The following ARMC3 variants were observed in gnomAD, a reference collection of about 807,000 sequenced individuals.
ARMC3 encodes the protein armadillo repeat-containing protein 3.
In ARMC3, 74 loss-of-function variants were observed where a neutral mutation model predicts 90.3. That is an observed-to-expected ratio of 0.82 (90% CI 0.68 to 0.99). The LOEUF (loss-of-function observed/expected upper bound fraction) is 0.99, where lower values mean the gene tolerates loss of function less well. Ranked by LOEUF, ARMC3 falls within the 50% of genes least tolerant of loss-of-function variation. The pLI, the probability that ARMC3 is intolerant of heterozygous loss-of-function variation, is 0.00. For missense variants in ARMC3, 958 were observed against 1,042.8 expected, an observed-to-expected ratio of 0.92 and a Z score of 1.12; for synonymous variants, 334 against 361.8, an observed-to-expected ratio of 0.92 and a Z score of 0.87.
At chr10:23,037,091 G>A (rs1458031789) in intron 18 of ARMC3, among the ~76,000 whole-genome samples, 179 bp from the exon 19 acceptor site, 6 of 152,232 alleles carry the variant, frequency 3.9e-5, no homozygotes, top group Admixed American at 3.9e-4. Context: ...AATCTTGAGT[G>A]AATTTATCAC....
chr10:22,935,335 A>C (rs1834069455), intron 2 of ARMC3, among the ~76,000 whole-genome samples: 1 of 152,176 alleles, frequency 6.6e-6, no homozygotes, highest in Non-Finnish European at 1.5e-5. Context: ...ATTCTTTGTC[A>C]TAGACTGACA....
chr10:23,020,466 A>C (rs1838466265), intron 16 of ARMC3, among the ~76,000 whole-genome samples: 3 of 152,152 alleles, frequency 2.0e-5, no homozygotes, highest in Non-Finnish European at 4.4e-5. Context: ...AATACCTGGG[A>C]GTGGGATTTC....
intron 8 of ARMC3, among the ~76,000 whole-genome samples, chr10:22,971,589 C>T (rs1278587651): frequency 6.6e-6 from 1 of 151,728 alleles, no homozygotes; most frequent in African/African-American, 2.4e-5. Context: ...TACAGGCACG[C>T]ACCACCACAC....
chr10:23,005,913 A>G (rs942914937), intron 13 of ARMC3, among the ~76,000 whole-genome samples: 2 of 151,666 alleles, frequency 1.3e-5, no homozygotes, highest in African/African-American at 2.4e-5. Context: ...GAGGGAGAAG[A>G]GAGCTGGGCA....
At chr10:22,980,647 T>C (rs147552601) in intron 8 of ARMC3, among the ~76,000 whole-genome samples, 133 of 152,236 alleles carry the variant, frequency 8.7e-4, no homozygotes, top group African/African-American at 3.0e-3. Flanking sequence ...AAAACAATGT[T>C]TAGGGAACAA....
chr10:23,017,551 G>A (rs1838333304), intron 16 of ARMC3, among the ~76,000 whole-genome samples: 1 of 152,226 alleles, frequency 6.6e-6, no homozygotes, highest in Non-Finnish European at 1.5e-5. Flanking sequence ...GATCACTTGA[G>A]GTCAGGAGTT....
At chr10:22,933,926 A>G (rs994372247) in intron 2 of ARMC3, among the ~76,000 whole-genome samples, 35 of 152,144 alleles carry the variant, frequency 2.3e-4, no homozygotes, top group African/African-American at 8.0e-4. Context: ...AAAAACTGAC[A>G]GAGTGGTATT....
chr10:22,943,790 A>G (rs60310913), intron 2 of ARMC3, among the ~76,000 whole-genome samples: 5,504 of 152,106 alleles, frequency 0.036, 313 homozygotes, highest in African/African-American at 0.12. Flanking sequence ...AAAATTAGCC[A>G]GGCATGGTGG....
intron 2 of ARMC3, among the ~76,000 whole-genome samples, chr10:22,933,496 T>C (rs954912830): frequency 2.0e-5 from 3 of 152,176 alleles, no homozygotes; most frequent in African/African-American, 4.8e-5. Flanking sequence ...AACACAGTCC[T>C]AGCATTAACA....
At chr10:22,942,363 C>A (rs1484861255) in intron 2 of ARMC3, among the ~76,000 whole-genome samples, 5 of 152,122 alleles carry the variant, frequency 3.3e-5, no homozygotes, top group African/African-American at 1.2e-4. Flanking sequence ...AGCATAATAG[C>A]AGAAGACAAA....
chr10:22,942,701 T>C (rs948076874), intron 2 of ARMC3, among the ~76,000 whole-genome samples: 1 of 152,136 alleles, frequency 6.6e-6, no homozygotes, highest in African/African-American at 2.4e-5. Context: ...AAGGGAAATA[T>C]ATGTCTACCC....
At chr10:22,996,383 T>C (rs1366806338) in intron 10 of ARMC3, among the ~76,000 whole-genome samples, 1 of 152,168 alleles carries the variant, frequency 6.6e-6, no homozygotes, top group Non-Finnish European at 1.5e-5. Context: ...CGGGCTATTA[T>C]AGTGAGTGAT....
At chr10:23,008,019 G>C (rs1837709478) in intron 14 of ARMC3, among the ~76,000 whole-genome samples, 2 of 152,068 alleles carry the variant, frequency 1.3e-5, no homozygotes, top group Non-Finnish European at 2.9e-5. Context: ...TGGGAGGATC[G>C]CTTGAGCCCC....
Position 23,007,429 on chromosome 10 carries a change from C to T in ARMC3, c.1829+448C>T, listed in dbSNP as rs1055241749. ...TGGTCTTCTTTAAAATGACCATGGC[C>T]GGGCACGGTGGCTGACACCTGTAAT... On this transcript the variant is annotated intron_variant, in intron 14 of 18. Transcript: ENST00000298032. Among the ~76,000 whole-genome samples, 43 of 152,218 alleles carry T rather than the reference C, an allele frequency of 2.8e-4. 1 individual carries two copies. The South Asian group carries it at 5.4e-3, about 19-fold the overall frequency.
At chr10:23,013,838 TGA>T (rs1564397057) in intron 16 of ARMC3, among the ~76,000 whole-genome samples, 1 of 147,626 alleles carries the variant, frequency 6.8e-6, no homozygotes, top group African/African-American at 2.6e-5. Flanking sequence ...ATGAGCTGTT[TGA>T]GATCTGGGAC....
chr10:23,018,624 C>G (rs1402090939), intron 16 of ARMC3, among the ~76,000 whole-genome samples: 1 of 147,872 alleles, frequency 6.8e-6, no homozygotes, highest in East Asian at 2.0e-4. Context: ...TCAAGCCATT[C>G]TCCTGCCTTA....
intron 3 of ARMC3, among the ~76,000 whole-genome samples, chr10:22,952,603 A>T (rs906451750): frequency 5.3e-5 from 8 of 152,250 alleles, no homozygotes; most frequent in Non-Finnish European, 1.2e-4. Flanking sequence ...ACCTTTAAGG[A>T]AGAAATAATA....
At chr10:23,011,665 C>T (rs1191142099) in intron 16 of ARMC3, among the ~76,000 whole-genome samples, 1 of 152,086 alleles carries the variant, frequency 6.6e-6, no homozygotes, top group Admixed American at 6.6e-5. Context: ...CTTGCACTTG[C>T]TTCCTTGCTT....
Position 23,025,598 on chromosome 10 carries a change from G to T in ARMC3, c.2046-4998G>T, listed in dbSNP as rs12241464. The stretch of plus-strand genomic sequence containing the variant: ...ATTTGTGGGGCACACTTCAGGGAGT[G>T]TTGAGAGGAAAATCTATTGTACTAA... On this transcript the variant is annotated intron_variant, in intron 16 of 18. Transcript: ENST00000298032. Among the ~76,000 whole-genome samples, 1,235 of 152,168 alleles carry T rather than the reference G, an allele frequency of 8.1e-3. 20 individuals carry two copies. Among genetic ancestry groups the T allele is most frequent in the African/African-American group, 0.028 (1,169 of 41,534 alleles).
Sources: gnomAD v4.1 joint callset for allele counts (sites outside exome capture counted in the v4.1 genomes callset) on GRCh38, gnomAD v4.1.1 for gene constraint, MANE v1.5 for transcripts, NCBI Gene and HGNC (gene_info 2026-07-23, HGNC 2026-07-21) for gene names.